Variants in PRDM16 observed in about 807,000 individuals in gnomAD.
The protein encoded by PRDM16 is histone-lysine N-methyltransferase PRDM16.
A neutral mutation model predicts 110.6 loss-of-function variants in PRDM16; 23 were observed. The ratio of observed to expected loss-of-function variants is 0.21; its 90% CI spans 0.15 to 0.29. The LOEUF (loss-of-function observed/expected upper bound fraction) is 0.29, where lower values mean the gene tolerates loss of function less well. Among genes scored for constraint, PRDM16 ranks in the 10% least tolerant of loss-of-function variants. The pLI, the probability that PRDM16 is intolerant of heterozygous loss-of-function variation, is 1.00. For synonymous variants in PRDM16, 799 were observed against 781.8 expected, an observed-to-expected ratio of 1.02 and a Z score of -0.37; for missense variants, 1,615 against 1,794.3, an observed-to-expected ratio of 0.90 and a Z score of 1.81.
intron 12 of PRDM16, among the ~76,000 whole-genome samples, chr1:3,422,222 A>G (rs1455586346): frequency 3.4e-5 from 5 of 145,368 alleles, no homozygotes; most frequent in Non-Finnish European, 7.6e-5. Context: ...AGACAGGCAG[A>G]CAGACAGGCA....
intron 3 of PRDM16, among the ~76,000 whole-genome samples, chr1:3,264,851 G>T (rs2455099): frequency 3.3e-5 from 5 of 152,014 alleles, no homozygotes; most frequent in African/African-American, 1.2e-4. Flanking sequence ...ATCTCAGAAG[G>T]AGAAGGATCA....
intron 3 of PRDM16, among the ~76,000 whole-genome samples, chr1:3,258,774 G>A (rs895711682): frequency 9.2e-5 from 14 of 152,200 alleles, no homozygotes; most frequent in Admixed American, 2.6e-4. Flanking sequence ...CACGCACACC[G>A]GGTTAGAGGG....
At chr1:3,291,024 C>G (rs533435426) in intron 3 of PRDM16, among the ~76,000 whole-genome samples, 3 of 151,788 alleles carry the variant, frequency 2.0e-5, no homozygotes, top group Non-Finnish European at 2.9e-5. Flanking sequence ...TCCTTGTCTC[C>G]GGCTTGGAGG....
rs952469498 is a variant in PRDM16 at position 3,069,608 on chromosome 1, G to C, written c.37+312G>C. ...CGAGGCGCGCGGTGGGGGCCGGGGAGGGGGGCGGAGGGGGAGGGCCGGGGG... is the reference window on the plus strand; with the variant it reads ...CGAGGCGCGCGGTGGGGGCCGGGGACGGGGGCGGAGGGGGAGGGCCGGGGG... On this transcript the variant is annotated intron_variant, in intron 1 of 16. Transcript: ENST00000270722. This position sits in a 1 kb window ranked among gnomAD's most constrained non-coding sequence, Gnocchi z 6.1. Among the ~76,000 whole-genome samples, 2 of 150,588 alleles carry C rather than the reference G, an allele frequency of 1.3e-5. No individual in the cohort carries two copies. The highest frequency in any genetic ancestry group is 4.8e-5 in the African/African-American group (2 of 41,284).
At position 3,217,573 on chromosome 1, in the gene PRDM16, T is replaced by C. The variant is rs75426237; in HGVS notation, c.388-26514T>C. 3.4e-3 allele frequency among the ~76,000 whole-genome samples: 519 copies of C among 152,330 alleles called. 23 individuals carry two copies. The East Asian group carries it at 0.096, about 28-fold the overall frequency. On this transcript the variant is annotated intron_variant, in intron 2 of 16. Transcript: ENST00000270722. ...TGGCCTCTGTCGAGCTTGGCAGCCATGCTGAGTGCGCTGGCCTAAGTCTAC... is the reference window on the plus strand; with the variant it reads ...TGGCCTCTGTCGAGCTTGGCAGCCACGCTGAGTGCGCTGGCCTAAGTCTAC...
intron 8 of PRDM16, among the ~76,000 whole-genome samples, chr1:3,411,075 CAT>C (rs1217251235): frequency 9.2e-5 from 14 of 152,254 alleles, no homozygotes; most frequent in African/African-American, 3.4e-4. Context: ...TCCACATGCT[CAT>C]GTGTGCACAC....
At position 3,190,834 on chromosome 1, in the gene PRDM16, CA is replaced by C. The variant is rs1277460936; in HGVS notation, c.387+4361del. 1.3e-5 allele frequency among the ~76,000 whole-genome samples: 2 copies of C among 152,234 alleles called. No individual in the cohort carries two copies. The highest frequency in any genetic ancestry group is 4.8e-5 in the African/African-American group (2 of 41,448). ...TTGAGTAAATCATGACATTTATCAT[CA>C]TGCTGTTTATTTTGCTAATTAAGAG... On this transcript the variant is annotated intron_variant, in intron 2 of 16. Transcript: ENST00000270722. This position sits in a 1 kb window ranked among gnomAD's most constrained non-coding sequence, Gnocchi z 5.0.
At chr1:3,421,925 C>A (rs1638443005) in intron 12 of PRDM16, among the ~76,000 whole-genome samples, 1 of 53,718 alleles carries the variant, frequency 1.9e-5, no homozygotes, top group Admixed American at 3.0e-4. Flanking sequence ...GGAAGACAGA[C>A]AGGCAGGCAG....
chr1:3,428,373 C>T lies in PRDM16; in HGVS notation c.3284+2148C>T, dbSNP rs956207470. On this transcript the variant is annotated intron_variant, in intron 14 of 16. Transcript: ENST00000270722. ...TGTCTCTAAGAGAAAGAGATGTGGCCGGGCCTCCCCCTCGCCTATGGCAAG... is the reference window on the plus strand; with the variant it reads ...TGTCTCTAAGAGAAAGAGATGTGGCTGGGCCTCCCCCTCGCCTATGGCAAG... Among the ~76,000 whole-genome samples the T allele has an allele frequency of 7.9e-5, 12 of 152,236 alleles. No homozygotes were observed. In the South Asian group the frequency reaches 1.5e-3, roughly 18 times the overall value.
intron 1 of PRDM16, among the ~76,000 whole-genome samples, chr1:3,126,358 C>T (rs1376688608): frequency 6.6e-6 from 1 of 152,216 alleles, no homozygotes; most frequent in Non-Finnish European, 1.5e-5. Flanking sequence ...CTCCCATGCC[C>T]CCGGGGGCTC....
At chr1:3,166,240 G>T (rs1215683602) in intron 1 of PRDM16, among the ~76,000 whole-genome samples, 1 of 152,264 alleles carries the variant, frequency 6.6e-6, no homozygotes. Context: ...CAAATAATGA[G>T]AAACAGCTCC....
At position 3,229,063 on chromosome 1, in the gene PRDM16, C is replaced by T. The variant is rs552943678; in HGVS notation, c.388-15024C>T. Among the ~76,000 whole-genome samples the T allele has an allele frequency of 2.0e-3, 307 of 152,370 alleles. 1 individual carries two copies. Among genetic ancestry groups the T allele is most frequent in the Non-Finnish European group, 2.9e-3 (195 of 68,036 alleles). ...CTTCCTGGGTGAATGCCTTCGCAGG[C>T]GGGAAGGTGCCCGTTTCTAAAGCCA... is the stretch of plus-strand genomic sequence containing the variant. On this transcript the variant is annotated intron_variant, in intron 2 of 16. Transcript: ENST00000270722.
At position 3,438,518 on chromosome 1, in the gene PRDM16, G is replaced by A. The variant is rs569569202; in HGVS notation, c.*4707G>A. On this transcript the variant is annotated 3_prime_UTR_variant, in exon 17 of 17. Coordinates refer to ENST00000270722, the MANE Select transcript of PRDM16 (RefSeq NM_022114.4). Reference sequence around the variant, plus strand: ...AAAGCCTAGGAGAAGCCGATTTGGAGGTTAATGCTGTAGAATAGGACTGTA... The same window carrying A: ...AAAGCCTAGGAGAAGCCGATTTGGAAGTTAATGCTGTAGAATAGGACTGTA... The A allele has an allele frequency of 4.9e-6, 1 of 205,426 alleles. No homozygotes were observed. The highest frequency in any genetic ancestry group is 2.3e-5 in the African/African-American group (1 of 43,734). 12.7% of individuals were successfully genotyped at this position (205,426 alleles called of 1,614,324 possible).
intron 3 of PRDM16, among the ~76,000 whole-genome samples, chr1:3,348,507 T>G (rs1055925510): frequency 6.6e-6 from 1 of 152,194 alleles, no homozygotes; most frequent in Non-Finnish European, 1.5e-5. Flanking sequence ...GCACGGCTTC[T>G]GCTGCCCACA....
intron 1 of PRDM16, among the ~76,000 whole-genome samples, chr1:3,105,091 G>A (rs950621751): frequency 6.6e-6 from 1 of 152,110 alleles, no homozygotes; most frequent in African/African-American, 2.4e-5. Flanking sequence ...AAGCTGTCAG[G>A]AGTGCCTGGG....
intron 2 of PRDM16, among the ~76,000 whole-genome samples, chr1:3,230,234 C>A (rs1361255014): frequency 6.6e-6 from 1 of 152,240 alleles, no homozygotes; most frequent in African/African-American, 2.4e-5. Flanking sequence ...CGGCTCTCCA[C>A]AAGGCCAGGC....
intron 3 of PRDM16, among the ~76,000 whole-genome samples, chr1:3,314,550 C>T (rs1641552725): frequency 6.6e-6 from 1 of 152,038 alleles, no homozygotes; most frequent in East Asian, 1.9e-4. Context: ...ACTTCATCTG[C>T]CAAATGTGTG....
At position 3,157,264 on chromosome 1, in the gene PRDM16, C is replaced by T. The variant is rs1265889019; in HGVS notation, c.38-28861C>T. On this transcript the variant is annotated intron_variant, in intron 1 of 16. Transcript: ENST00000270722. The surrounding 1 kb of genome is among the most constrained non-coding windows in gnomAD (Gnocchi z 4.8). ...ATCCGGCAGATGAAATCCAGGACAC[C>T]CAGTTCAATTTGAATTTCAGATACA... Among the ~76,000 whole-genome samples, 2 of 152,110 alleles carry T rather than the reference C, an allele frequency of 1.3e-5. No homozygotes were observed. Among genetic ancestry groups the T allele is most frequent in the Admixed American group, 6.5e-5 (1 of 15,270 alleles).
Position 3,125,317 on chromosome 1 carries a change from G to A in PRDM16, c.37+56021G>A, listed in dbSNP as rs1182441695. Reference sequence around the variant, plus strand: ...GAGGCCTCAGAGCTGGCCAGAGGAGGCCAGCCCAGTGCCCGCTGATTGGAT... The same window carrying A: ...GAGGCCTCAGAGCTGGCCAGAGGAGACCAGCCCAGTGCCCGCTGATTGGAT... On this transcript the variant is annotated intron_variant, in intron 1 of 16. Coordinates refer to ENST00000270722, the MANE Select transcript of PRDM16 (RefSeq NM_022114.4). 2.0e-5 allele frequency among the ~76,000 whole-genome samples: 3 copies of A among 152,368 alleles called. No homozygotes were observed. The East Asian group carries it at 5.8e-4, about 29-fold the overall frequency.
Sources: gnomAD v4.1 joint callset for allele counts (sites outside exome capture counted in the v4.1 genomes callset) on GRCh38, gnomAD v4.1.1 for gene constraint, Gnocchi (gnomAD v3.1) non-coding constraint, MANE v1.5 for transcripts, NCBI Gene and HGNC (gene_info 2026-07-23, HGNC 2026-07-21) for gene names.